The following KCNQ1OT1 variants were observed in gnomAD, a reference collection of about 807,000 sequenced individuals.
The protein encoded by KCNQ1OT1 is KCNQ1 opposite strand/antisense transcript 1.
exon 1 of KCNQ1OT1, chr11:2,667,105 C>T (rs1234769002): frequency 4.0e-5 from 16 of 398,622 alleles, no homozygotes; most frequent in Admixed American, 3.1e-4. Context: ...AAATTAAAAC[C>T]GAGGCGTAAT....
chr11:2,690,297 T>C lies in KCNQ1OT1; in HGVS notation n.9698A>G. Reference sequence around the variant, plus strand: ...CACATATGTGTAGTGTCTTCCTCCCTGTAGGATTGTCACAAGGATTAAATG... The same window carrying C: ...CACATATGTGTAGTGTCTTCCTCCCCGTAGGATTGTCACAAGGATTAAATG... On this transcript the variant is annotated non_coding_transcript_exon_variant, in exon 1 of 1. Transcript: ENST00000597346. This position sits in a 1 kb window ranked among gnomAD's most constrained non-coding sequence, Gnocchi z 5.1. 1 of 398,702 alleles carries C rather than the reference T, an allele frequency of 2.5e-6. No individual in the cohort carries two copies. Among genetic ancestry groups the C allele is most frequent in the East Asian group, 3.6e-5 (1 of 28,086 alleles). 24.7% of individuals were successfully genotyped at this position (398,702 alleles called of 1,614,324 possible). A position where few individuals can be genotyped will look rare whatever the true frequency, so the allele number is the denominator to read the frequency against.
In KCNQ1OT1 at chr11:2,652,725, C is replaced by G; in HGVS notation, n.47270G>C. ...TCTTTCCGTTTCCTGGGCTCACTCACGCTCAGGGTTGACCCTGTCCTGGCT... is the reference window on the plus strand; with the variant it reads ...TCTTTCCGTTTCCTGGGCTCACTCAGGCTCAGGGTTGACCCTGTCCTGGCT... On this transcript the variant is annotated non_coding_transcript_exon_variant, in exon 1 of 1. Transcript: ENST00000597346. The surrounding 1 kb of genome is among the most constrained non-coding windows in gnomAD (Gnocchi z 5.9). The G allele has an allele frequency of 2.5e-6, 1 of 398,912 alleles. No individual in the cohort carries two copies. Among genetic ancestry groups the G allele is most frequent in the Non-Finnish European group, 4.4e-6 (1 of 226,324 alleles). 24.7% of individuals were successfully genotyped at this position (398,912 alleles called of 1,614,324 possible).
chr11:2,635,975 C>G (rs1346313060), exon 1 of KCNQ1OT1: 7 of 152,138 alleles, frequency 4.6e-5, no homozygotes, highest in Non-Finnish European at 1.0e-4. Context: ...CATGATTTGG[C>G]TCTCTGTTTG....
At chr11:2,625,773 G>C (rs1442775280) in exon 1 of KCNQ1OT1, 2 of 397,824 alleles carry the variant, frequency 5.0e-6, no homozygotes, top group Middle Eastern at 6.3e-4. Flanking sequence ...GTTTCACCCT[G>C]TTAGCCAGGA....
At chr11:2,662,567 A>T (rs964512692) in exon 1 of KCNQ1OT1, 23 of 427,494 alleles carry the variant, frequency 5.4e-5, no homozygotes, top group African/African-American at 8.1e-5. Flanking sequence ...CCTGAGGCAC[A>T]GCTGGCCTGG....
exon 1 of KCNQ1OT1, chr11:2,616,928 T>C (rs1458765837): frequency 5.0e-6 from 2 of 397,712 alleles, no homozygotes; most frequent in Non-Finnish European, 8.9e-6. Flanking sequence ...TCTTTTCTTA[T>C]TGGGCTTCTG....
rs991052780 is a variant in KCNQ1OT1, at chr11:2,620,311, G to A, written n.79684C>T. ...GGCTCACTGCAGCCTCCGCCTACCGGGTTCAAGTGATTCTCCTGCCTCAGC... is the reference window on the plus strand; with the variant it reads ...GGCTCACTGCAGCCTCCGCCTACCGAGTTCAAGTGATTCTCCTGCCTCAGC... On this transcript the variant is annotated non_coding_transcript_exon_variant, in exon 1 of 1. Coordinates refer to ENST00000597346, the Ensembl canonical transcript of KCNQ1OT1. The surrounding 1 kb of genome is among the most constrained non-coding windows in gnomAD (Gnocchi z 4.5). The A allele has an allele frequency of 1.5e-5, 3 of 205,336 alleles. No homozygotes were observed. The highest frequency in any genetic ancestry group is 2.8e-5 in the Non-Finnish European group (3 of 105,500). The allele number at this position is 205,336 out of a possible 1,614,324, so 12.7% of individuals were successfully genotyped here. A position where few individuals can be genotyped will look rare whatever the true frequency, so the allele number is the denominator to read the frequency against.
chr11:2,649,799 G>T lies in KCNQ1OT1; in HGVS notation n.50196C>A, dbSNP rs1410583845. On this transcript the variant is annotated non_coding_transcript_exon_variant, in exon 1 of 1. Transcript: ENST00000597346. ...GCCCTTTTAGGGTTGAATCTATTTAGGGATTTGTGAGCTTCCTTTATCTGT... is the reference window on the plus strand; with the variant it reads ...GCCCTTTTAGGGTTGAATCTATTTATGGATTTGTGAGCTTCCTTTATCTGT... 3.1e-4 allele frequency: 122 copies of T among 398,402 alleles called. No homozygotes were observed. In the East Asian group the frequency reaches 4.3e-3, roughly 14 times the overall value. The allele number at this position is 398,402 out of a possible 1,614,324, so 24.7% of individuals were successfully genotyped here. A position where few individuals can be genotyped will look rare whatever the true frequency, so the allele number is the denominator to read the frequency against.
chr11:2,689,998 G>T lies in KCNQ1OT1; in HGVS notation n.9997C>A, dbSNP rs533861774. 8.3e-4 allele frequency: 332 copies of T among 398,846 alleles called. No individual in the cohort carries two copies. Among genetic ancestry groups the T allele is most frequent in the Non-Finnish European group, 1.3e-3 (297 of 226,232 alleles). 24.7% of individuals were successfully genotyped at this position (398,846 alleles called of 1,614,324 possible). A position where few individuals can be genotyped will look rare whatever the true frequency, so the allele number is the denominator to read the frequency against. ...CTTGGAAGACCTTTGCCCAAGCAGA[G>T]AACTGTTGAGGAAGGTGAGCCTTCC... On this transcript the variant is annotated non_coding_transcript_exon_variant, in exon 1 of 1. Coordinates refer to ENST00000597346, the Ensembl canonical transcript of KCNQ1OT1.
chr11:2,699,981 G>A (rs1488144703), exon 1 of KCNQ1OT1: 4 of 398,320 alleles, frequency 1.0e-5, no homozygotes, highest in Middle Eastern at 6.3e-4. Context: ...CTGAGGCGAC[G>A]CGGCGACCGT....
exon 1 of KCNQ1OT1, chr11:2,688,602 C>A: frequency 2.5e-6 from 1 of 398,744 alleles, no homozygotes; most frequent in Non-Finnish European, 4.4e-6. Flanking sequence ...AGGCCAGGCA[C>A]TCATCTTGTG....
chr11:2,665,661 T>A (rs757025036), exon 1 of KCNQ1OT1: 14 of 397,496 alleles, frequency 3.5e-5, no homozygotes, highest in Non-Finnish European at 5.3e-5. Flanking sequence ...CAGTACCAGT[T>A]CCCTAAGCCT....
At chr11:2,637,033 C>T (rs1485435212) in exon 1 of KCNQ1OT1, 4 of 152,112 alleles carry the variant, frequency 2.6e-5, no homozygotes, top group African/African-American at 9.6e-5. Context: ...GTGGTGATAT[C>T]CCCTTTATCA....
chr11:2,683,581 G>T lies in KCNQ1OT1; in HGVS notation n.16414C>A. The T allele has an allele frequency of 2.5e-6, 1 of 398,620 alleles. No homozygotes were observed. The highest frequency in any genetic ancestry group is 4.4e-6 in the Non-Finnish European group (1 of 226,072). The allele number at this position is 398,620 out of a possible 1,614,324, so 24.7% of individuals were successfully genotyped here. A position where few individuals can be genotyped will look rare whatever the true frequency, so the allele number is the denominator to read the frequency against. Reference sequence around the variant, plus strand: ...CCTACTGACTGGCATCACAAACACTGCCCTGAAATGCCAACTCATTTCAAA... The same window carrying T: ...CCTACTGACTGGCATCACAAACACTTCCCTGAAATGCCAACTCATTTCAAA... On this transcript the variant is annotated non_coding_transcript_exon_variant, in exon 1 of 1. Transcript: ENST00000597346. The surrounding 1 kb of genome is among the most constrained non-coding windows in gnomAD (Gnocchi z 4.7).
Position 2,648,151 on chromosome 11 carries a change from G to A in KCNQ1OT1, n.51844C>T, listed in dbSNP as rs1849695736. The A allele has an allele frequency of 3.2e-5, 8 of 247,722 alleles. No homozygotes were observed. In the East Asian group the frequency reaches 5.1e-4, roughly 16 times the overall value. 15.3% of individuals were successfully genotyped at this position (247,722 alleles called of 1,614,324 possible). A position where few individuals can be genotyped will look rare whatever the true frequency, so the allele number is the denominator to read the frequency against. On this transcript the variant is annotated non_coding_transcript_exon_variant, in exon 1 of 1. Coordinates refer to ENST00000597346, the Ensembl canonical transcript of KCNQ1OT1. ...GCCCAGGAAGCAGAGGTTACAGTGA[G>A]CCAAGATCACACCACTGCGCTCTAG...
chr11:2,650,159 CT>C, exon 1 of KCNQ1OT1: 1 of 398,366 alleles, frequency 2.5e-6, no homozygotes, highest in East Asian at 3.6e-5. Context: ...ATATCTAACT[CT>C]GCTGGATTTC....
chr11:2,609,955 A>C, exon 1 of KCNQ1OT1: 1 of 397,982 alleles, frequency 2.5e-6, no homozygotes, highest in Non-Finnish European at 4.4e-6. Context: ...CTGTTTTTCA[A>C]ATCTGGTCTG....
At position 2,658,108 on chromosome 11, in the gene KCNQ1OT1, A is replaced by AT. The variant is rs1849884358; in HGVS notation, n.41886dup. On this transcript the variant is annotated non_coding_transcript_exon_variant, in exon 1 of 1. Coordinates refer to ENST00000597346, the Ensembl canonical transcript of KCNQ1OT1. The surrounding 1 kb of genome is among the most constrained non-coding windows in gnomAD (Gnocchi z 4.9). ...TCAACTCTACCTCCTGCAGGAGAGT[A>AT]TCAAAAAAAATCTGCAAATATGTTA... 1 of 398,484 alleles carries AT rather than the reference A, an allele frequency of 2.5e-6. No individual in the cohort carries two copies. Among genetic ancestry groups the AT allele is most frequent in the African/African-American group, 2.1e-5 (1 of 48,626 alleles). The allele number at this position is 398,484 out of a possible 1,614,324, so 24.7% of individuals were successfully genotyped here.
chr11:2,684,493 C>A, exon 1 of KCNQ1OT1: 1 of 398,636 alleles, frequency 2.5e-6, no homozygotes, highest in South Asian at 1.3e-4. Context: ...CTGAGTTCTC[C>A]TTCTATTCCT....
Sources: allele counts gnomAD v4.1 joint callset, GRCh38; gene constraint gnomAD v4.1.1; non-coding constraint Gnocchi (gnomAD v3.1); transcripts MANE v1.5; gene names NCBI Gene and HGNC (gene_info 2026-07-23, HGNC 2026-07-21).